PAK1: variants seen among roughly 807,000 people sequenced by gnomAD.
The protein encoded by PAK1 is serine/threonine-protein kinase PAK 1.
PAK1 carries 29 observed loss-of-function variants against 67.4 expected under a neutral mutation model. The ratio of observed to expected loss-of-function variants is 0.43; its 90% CI spans 0.32 to 0.59. The LOEUF (loss-of-function observed/expected upper bound fraction) is 0.59. Among genes scored for constraint, PAK1 ranks in the 20% least tolerant of loss-of-function variants. The probability of loss-of-function intolerance (pLI) is 0.07; values close to 1 mark genes in which losing one functional copy is unlikely to be tolerated. For synonymous variants in PAK1, 223 were observed against 237.4 expected (o/e 0.94, Z 0.56); for missense variants, 337 against 670.7 (o/e 0.50, Z 5.50).
At chr11:77,462,685 A>G (rs918874817) in intron 1 of PAK1, among the ~76,000 whole-genome samples, 4 of 151,930 alleles carry the variant, frequency 2.6e-5, no homozygotes, top group Non-Finnish European at 5.9e-5. Flanking sequence ...CACCAAAATT[A>G]GCCAGGCATG....
chr11:77,332,949 T>C (rs1941966321), intron 13 of PAK1, 82 bp from the exon 14 acceptor site: 6 of 1,298,184 alleles, frequency 4.6e-6, no homozygotes, highest in Non-Finnish European at 6.7e-6. Context: ...AGAAATATGG[T>C]CAGCTGCTTT....
the PAK1 span, among the ~76,000 whole-genome samples, chr11:77,500,523 G>A: frequency 6.6e-6 from 1 of 151,866 alleles, no homozygotes; most frequent in Admixed American, 6.6e-5. Context: ...CCAATTCCAC[G>A]TCTTGTGGAA....
intron 1 of PAK1, among the ~76,000 whole-genome samples, chr11:77,413,478 G>T (rs1390223817): frequency 6.6e-6 from 1 of 152,152 alleles, no homozygotes; most frequent in Non-Finnish European, 1.5e-5. Flanking sequence ...ATGCTCAGGA[G>T]TTCAAGGCCA....
intron 14 of PAK1, among the ~76,000 whole-genome samples, chr11:77,326,328 C>T (rs1318099834): frequency 5.9e-5 from 9 of 152,128 alleles, no homozygotes; most frequent in Admixed American, 5.9e-4. Context: ...AGTATCATTG[C>T]CATTATCTGA....
intron 9 of PAK1, among the ~76,000 whole-genome samples, chr11:77,347,935 A>G (rs141626446): frequency 6.6e-6 from 1 of 152,310 alleles, no homozygotes; most frequent in African/African-American, 2.4e-5. Flanking sequence ...CCAAGGTTAT[A>G]TAAGTAGCTA....
At chr11:77,494,852 C>A in the PAK1 span, among the ~76,000 whole-genome samples, 1 of 151,980 alleles carries the variant, frequency 6.6e-6, no homozygotes, top group Admixed American at 6.6e-5. Context: ...AGACCCCCAT[C>A]TATATACAAA....
At chr11:77,334,270 A>G (rs1481986434) in intron 13 of PAK1, among the ~76,000 whole-genome samples, 4 of 152,226 alleles carry the variant, frequency 2.6e-5, no homozygotes, top group Non-Finnish European at 5.9e-5. Flanking sequence ...TCATCTTCAA[A>G]TATCTGCAAG....
chr11:77,456,466 G>A (rs1957080925), intron 1 of PAK1, among the ~76,000 whole-genome samples: 1 of 152,258 alleles, frequency 6.6e-6, no homozygotes, highest in African/African-American at 2.4e-5. Context: ...TGGTCTAGGT[G>A]CTGAGGACAA....
intron 1 of PAK1, among the ~76,000 whole-genome samples, chr11:77,463,147 G>C (rs1186031624): frequency 1.3e-5 from 2 of 152,066 alleles, no homozygotes; most frequent in Non-Finnish European, 2.9e-5. Context: ...TCAAGTAAGA[G>C]TATAGTTTCA....
chr11:77,450,512 A>C (rs961761205), intron 1 of PAK1, among the ~76,000 whole-genome samples: 2 of 152,218 alleles, frequency 1.3e-5, no homozygotes, highest in South Asian at 4.1e-4. Context: ...TAAAGACTAG[A>C]AAATCCTTGT....
intron 1 of PAK1, among the ~76,000 whole-genome samples, chr11:77,465,022 G>C (rs890707550): frequency 8.1e-5 from 12 of 148,418 alleles, no homozygotes; most frequent in Non-Finnish European, 1.1e-4. Context: ...GTCTGTGTGT[G>C]TGTCTGTGTG....
At chr11:77,475,720 C>T (rs1958051917), upstream of PAK1, 1 of 152,150 alleles carries the variant, frequency 6.6e-6, no homozygotes, top group Admixed American at 6.5e-5. Context: ...TTCCCTAAGC[C>T]TTAACAAAAC....
At chr11:77,392,184 AG>A in intron 2 of PAK1, 146 bp downstream of exon 2, 1 of 545,236 alleles carries the variant, frequency 1.8e-6, no homozygotes, top group Non-Finnish European at 3.1e-6. Context: ...ATTTTGCTTC[AG>A]CCACTGTAGG....
intron 5 of PAK1, among the ~76,000 whole-genome samples, chr11:77,366,153 T>G (rs1947548953): frequency 6.6e-6 from 1 of 152,004 alleles, no homozygotes; most frequent in African/African-American, 2.4e-5. Context: ...CATTCCAGAT[T>G]AACAAAGAGA....
In PAK1 at chr11:77,322,333, A is replaced by C. The variant is rs1378229774; in HGVS notation, c.*941T>G. The C allele has an allele frequency of 5.1e-6, 1 of 195,200 alleles. No individual in the cohort carries two copies. The highest frequency in any genetic ancestry group is 1.1e-5 in the Non-Finnish European group (1 of 93,958). The allele number at this position is 195,200 out of a possible 1,614,324, so 12.1% of individuals were successfully genotyped here. On this transcript the variant is annotated 3_prime_UTR_variant, in exon 15 of 15. Coordinates refer to ENST00000356341, the MANE Select transcript of PAK1 (RefSeq NM_002576.5). ...CTAACATGCAGTCTCTAATTTGGAG[A>C]CTCTTTATTGTGACCAAAAGATTTG...
the PAK1 span, among the ~76,000 whole-genome samples, chr11:77,495,039 G>A: frequency 3.9e-5 from 6 of 152,064 alleles, no homozygotes; most frequent in East Asian, 7.7e-4. Flanking sequence ...ACATGCGCCT[G>A]TAGTCCCAGC....
chr11:77,434,339 G>A (rs559217094), intron 1 of PAK1, among the ~76,000 whole-genome samples: 8 of 151,784 alleles, frequency 5.3e-5, no homozygotes, highest in Non-Finnish European at 1.0e-4. Context: ...CCATACAATA[G>A]AATATTTTTC....
chr11:77,427,170 T>C (rs571672390), intron 1 of PAK1, among the ~76,000 whole-genome samples: 6 of 152,274 alleles, frequency 3.9e-5, no homozygotes, highest in African/African-American at 1.2e-4. Flanking sequence ...AAACCCTCCT[T>C]TGCTGACACT....
the PAK1 span, among the ~76,000 whole-genome samples, chr11:77,523,280 A>G: frequency 2.6e-5 from 4 of 152,226 alleles, no homozygotes; most frequent in Admixed American, 2.6e-4. Context: ...ACTAAAATAT[A>G]TAATATCTCA....
Sources: gnomAD v4.1 joint callset for allele counts (sites outside exome capture counted in the v4.1 genomes callset) on GRCh38, gnomAD v4.1.1 for gene constraint, MANE v1.5 for transcripts, NCBI Gene and HGNC (gene_info 2026-07-23, HGNC 2026-07-21) for gene names.